The following CWC22 variants were observed in gnomAD, a reference collection of about 807,000 sequenced individuals.
CWC22 encodes the protein CWC22 spliceosome associated protein, also known as pre-mRNA-splicing factor CWC22 homolog.
CWC22 carries 53 observed loss-of-function variants against 117.2 expected under a neutral mutation model. The ratio of observed to expected loss-of-function variants is 0.45; its 90% CI spans 0.36 to 0.57. The LOEUF (loss-of-function observed/expected upper bound fraction) is 0.57. Among genes scored for constraint, CWC22 ranks in the 20% least tolerant of loss-of-function variants. CWC22 has a pLI of 0.00. For synonymous variants in CWC22, 360 were observed against 355.6 expected (o/e 1.01, Z -0.14); for missense variants, 980 against 1,068.8 (o/e 0.92, Z 1.16).
At chr2:179,994,617 G>A (rs944789157) in intron 1 of CWC22, among the ~76,000 whole-genome samples, 2 of 152,086 alleles carry the variant, frequency 1.3e-5, no homozygotes, top group Admixed American at 6.5e-5. Flanking sequence ...TACAATGATT[G>A]GCATGGTGTC....
chr2:179,997,165 G>C (rs1170827238), intron 1 of CWC22, among the ~76,000 whole-genome samples: 1 of 151,776 alleles, frequency 6.6e-6, no homozygotes. Context: ...AATATATGTA[G>C]CCAGAGTATA....
At chr2:179,955,888 G>T (rs1035997049) in intron 14 of CWC22, among the ~76,000 whole-genome samples, 5 of 151,860 alleles carry the variant, frequency 3.3e-5, no homozygotes, top group Non-Finnish European at 7.4e-5. Flanking sequence ...AACATAAGGT[G>T]AATAGAGACA....
chr2:179,965,844 C>G, intron 12 of CWC22, 34 bp downstream of exon 12: 2 of 1,330,934 alleles, frequency 1.5e-6, no homozygotes. Flanking sequence ...TTTAGAGTAT[C>G]TTATAATATT....
Position 179,978,336 on chromosome 2 carries a change from T to C in CWC22, c.453-18A>G. ...ATGCTAAGCTAAAAAGAAGTGATTT[T>C]AATAAAGATTAAAACTTAATTACAA... is the stretch of plus-strand genomic sequence containing the variant. On this transcript the variant is annotated intron_variant, in intron 5 of 19. Transcript: ENST00000410053. 6.9e-7 allele frequency: 1 copy of C among 1,440,196 alleles called. No homozygotes were observed. The allele number at this position is 1,440,196 out of a possible 1,614,324, so 89.2% of individuals were successfully genotyped here. A position where few individuals can be genotyped will look rare whatever the true frequency, so the allele number is the denominator to read the frequency against.
chr2:179,945,549 A>G lies in CWC22; in HGVS notation c.2307T>C (p.Asp769=). Residue 769 remains aspartate, a synonymous_variant, in exon 20 of 20, where the codon GAT becomes GAC. Transcript: ENST00000410053. ...TCCAATTTGAACCACTTGAATTTTG[A>G]TCTCTGTGTTTTTCTGACCTTCTTT... ...ERERRSEKHR[D]QNSSGSNWRD... is the part of the protein sequence containing the mutation. 6.2e-7 allele frequency: 1 copy of G among 1,613,048 alleles called. No homozygotes were observed. The highest frequency in any genetic ancestry group is 1.3e-5 in the African/African-American group (1 of 74,956).
chr2:179,987,566 G>A (rs1440490068), intron 3 of CWC22, among the ~76,000 whole-genome samples: 1 of 151,988 alleles, frequency 6.6e-6, no homozygotes, highest in African/African-American at 2.4e-5. Flanking sequence ...TATGAATCAG[G>A]GCAATTAACT....
At chr2:179,966,355 T>C (rs1686890717) in intron 11 of CWC22, among the ~76,000 whole-genome samples, 1 of 152,176 alleles carries the variant, frequency 6.6e-6, no homozygotes, top group South Asian at 2.1e-4. Flanking sequence ...GACAGTCCAT[T>C]ACAAAAAGTT....
intron 6 of CWC22, among the ~76,000 whole-genome samples, chr2:179,976,910 T>C (rs967514032): frequency 1.3e-5 from 2 of 152,150 alleles, no homozygotes; most frequent in African/African-American, 4.8e-5. Flanking sequence ...ATACCAACAC[T>C]TTGGGAAGCC....
At chr2:180,000,885 A>G (rs1687830572) in intron 1 of CWC22, among the ~76,000 whole-genome samples, 1 of 152,146 alleles carries the variant, frequency 6.6e-6, no homozygotes, top group African/African-American at 2.4e-5. Context: ...ACCTCACATT[A>G]TAAATTGGGA....
chr2:179,993,354 G>C lies in CWC22; in HGVS notation c.-13C>G. The C allele has an allele frequency of 1.3e-6, 2 of 1,561,082 alleles. No homozygotes were observed. The highest frequency in any genetic ancestry group is 1.7e-6 in the Non-Finnish European group (2 of 1,149,782). On this transcript the variant is annotated 5_prime_UTR_variant, in exon 2 of 20. Coordinates refer to ENST00000410053, the MANE Select transcript of CWC22 (RefSeq NM_020943.3). ...CACTACTTTTCATTTTCTGTTGCCA[G>C]TTGGTCCAATAAATCAAAGATGCTT...
intron 5 of CWC22, among the ~76,000 whole-genome samples, chr2:179,980,155 C>A (rs1687251468): frequency 6.6e-6 from 1 of 152,068 alleles, no homozygotes. Context: ...AAGTGAATAC[C>A]TTTCAGTAAT....
At chr2:179,963,436 A>C (rs573710229) in intron 13 of CWC22, among the ~76,000 whole-genome samples, 1 of 122,430 alleles carries the variant, frequency 8.2e-6, no homozygotes, top group Non-Finnish European at 1.6e-5. Context: ...TCCGCCTCCC[A>C]GGTTCACGCC....
chr2:179,948,496 TCA>T (rs1686365276), intron 19 of CWC22, among the ~76,000 whole-genome samples: 1 of 152,188 alleles, frequency 6.6e-6, no homozygotes, highest in South Asian at 2.1e-4. Context: ...CAAGACATTT[TCA>T]CAGAGAAAAA....
rs533751563 is a variant in CWC22, at chr2:179,997,600, TA to T, written c.-113-4147del. Among the ~76,000 whole-genome samples, 311 of 152,310 alleles carry T rather than the reference TA, an allele frequency of 2.0e-3. 2 individuals carry two copies. The highest frequency in any genetic ancestry group is 7.0e-3 in the African/African-American group (291 of 41,578). On this transcript the variant is annotated intron_variant, in intron 1 of 19. Coordinates refer to ENST00000410053, the MANE Select transcript of CWC22 (RefSeq NM_020943.3). Reference sequence around the variant, plus strand: ...TACTCGACTTACTTTTGCTCAAAGATATTGGTATTTTTTTCCCTACCTCTAC... The same window carrying T: ...TACTCGACTTACTTTTGCTCAAAGATTTGGTATTTTTTTCCCTACCTCTAC...
chr2:179,991,553 C>G (rs1211833231), intron 2 of CWC22, among the ~76,000 whole-genome samples: 3 of 152,080 alleles, frequency 2.0e-5, no homozygotes, highest in African/African-American at 7.2e-5. Context: ...TACAGGAGAC[C>G]CATCTGGGCC....
intron 1 of CWC22, among the ~76,000 whole-genome samples, chr2:179,997,235 A>G (rs1007081855): frequency 6.6e-6 from 1 of 152,150 alleles, no homozygotes; most frequent in African/African-American, 2.4e-5. Context: ...AAGGTTTTCT[A>G]CATCTTTCGT....
chr2:179,952,351 A>C, intron 17 of CWC22, 120 bp downstream of exon 17: 2 of 564,938 alleles, frequency 3.5e-6, no homozygotes, highest in Non-Finnish European at 5.5e-6. Context: ...TGATTAATGG[A>C]TGAAGAAAGT....
chr2:180,001,178 GT>G (rs1687837248), intron 1 of CWC22, among the ~76,000 whole-genome samples: 1 of 152,072 alleles, frequency 6.6e-6, no homozygotes, highest in Non-Finnish European at 1.5e-5. Flanking sequence ...AATTCTACAT[GT>G]TGAACTTTTT....
chr2:179,964,253 GAATT>G (rs1205203813), intron 13 of CWC22, among the ~76,000 whole-genome samples: 1 of 152,160 alleles, frequency 6.6e-6, no homozygotes, highest in African/African-American at 2.4e-5. Context: ...TTGTAAAACA[GAATT>G]ATTTTCAAGT....
Sources: allele counts gnomAD v4.1 joint callset (sites outside exome capture counted in the v4.1 genomes callset), GRCh38; gene constraint gnomAD v4.1.1; transcripts MANE v1.5; gene names NCBI Gene and HGNC (gene_info 2026-07-23, HGNC 2026-07-21).